BST1: variants seen among roughly 807,000 people sequenced by gnomAD.
BST1 encodes ADP-ribosyl cyclase/cyclic ADP-ribose hydrolase 2.
BST1 carries 49 observed loss-of-function variants against 40.6 expected under a neutral mutation model. The ratio of observed to expected loss-of-function variants is 1.21; its 90% confidence interval spans 0.96 to 1.53. BST1 has a LOEUF of 1.53. Among genes scored for constraint, BST1 ranks in the 40% most tolerant of loss-of-function variants. BST1 has a pLI of 0.00. For missense variants in BST1, 423 were observed against 395.9 expected (o/e 1.07, Z -0.58); for synonymous variants, 157 against 159.3 (o/e 0.99, Z 0.11).
downstream of BST1, among the ~76,000 whole-genome samples, chr4:15,736,727 A>G (rs1036847290): frequency 1.3e-5 from 2 of 152,054 alleles, no homozygotes; most frequent in African/African-American, 4.8e-5. Flanking sequence ...TCAGTTCCGT[A>G]TTCTCAACAT....
intron 8 of BST1, chr4:15,731,397 G>A (rs12649015): frequency 0.082 from 47,697 of 579,172 alleles, 2,437 homozygotes; most frequent in African/African-American, 0.15. Context: ...CACAGGCTTG[G>A]CCTTGTCACG....
chr4:15,756,323 C>T, the BST1 span, among the ~76,000 whole-genome samples: 13 of 152,284 alleles, frequency 8.5e-5, no homozygotes, highest in South Asian at 6.2e-4. Context: ...GATGGTCGTA[C>T]CTGGCTAGTC....
intron 8 of BST1, among the ~76,000 whole-genome samples, chr4:15,725,577 G>C (rs918077447): frequency 2.0e-5 from 3 of 152,042 alleles, no homozygotes; most frequent in African/African-American, 7.2e-5. Context: ...CAGACTTCTA[G>C]TCCCATCTTC....
chr4:15,718,560 G>T (rs1317344597), intron 6 of BST1, among the ~76,000 whole-genome samples: 1 of 151,962 alleles, frequency 6.6e-6, no homozygotes, highest in African/African-American at 2.4e-5. Context: ...GAACAAATTG[G>T]CAGGTAGCAT....
At chr4:15,747,179 A>G in the BST1 span, among the ~76,000 whole-genome samples, 3 of 152,318 alleles carry the variant, frequency 2.0e-5, no homozygotes, top group Admixed American at 2.0e-4. Context: ...AGCTGACATC[A>G]TCAACATTTG....
chr4:15,703,353 GA>G, intron 1 of BST1, 21 bp downstream of exon 1: 1 of 1,484,324 alleles, frequency 6.7e-7, no homozygotes, highest in Non-Finnish European at 8.9e-7. Flanking sequence ...CGGCCGGGTG[GA>G]AGGGGAGCCG....
At chr4:15,756,101 A>T in the BST1 span, among the ~76,000 whole-genome samples, 1 of 152,258 alleles carries the variant, frequency 6.6e-6, no homozygotes, top group Non-Finnish European at 1.5e-5. Flanking sequence ...TTGAAAAAAT[A>T]AAACTGAAAC....
intron 1 of BST1, chr4:15,704,882 T>TC: frequency 2.7e-6 from 2 of 754,060 alleles, no homozygotes; most frequent in Non-Finnish European, 4.9e-6. Flanking sequence ...TTGTGATGTC[T>TC]TTCTTGTGCT....
Position 15,723,711 on chromosome 4 carries a change from G to T in BST1, c.851+777G>T, listed in dbSNP as rs140266102. 1.2e-3 allele frequency: 960 copies of T among 771,436 alleles called. 4 individuals carry two copies. In the African/African-American group the frequency reaches 0.016, roughly 13 times the overall value. The allele number at this position is 771,436 out of a possible 1,614,324, so 47.8% of individuals were successfully genotyped here. A position where few individuals can be genotyped will look rare whatever the true frequency, so the allele number is the denominator to read the frequency against. Reference sequence around the variant, plus strand: ...TGTAGGATAGATTCCCAGAAATTGAGTTGCTGAGTCAAAGAATGTGTGTGT... The same window carrying T: ...TGTAGGATAGATTCCCAGAAATTGATTTGCTGAGTCAAAGAATGTGTGTGT... On this transcript the variant is annotated intron_variant, in intron 8 of 8. Coordinates refer to ENST00000265016, the MANE Select transcript of BST1 (RefSeq NM_004334.3).
chr4:15,734,369 C>G (rs1252541899), downstream of BST1, among the ~76,000 whole-genome samples: 2 of 151,888 alleles, frequency 1.3e-5, no homozygotes, highest in Non-Finnish European at 1.5e-5. Context: ...GAAATGTTTT[C>G]AAAGAACATT....
the BST1 span, among the ~76,000 whole-genome samples, chr4:15,754,034 G>A: frequency 6.6e-6 from 1 of 152,160 alleles, no homozygotes; most frequent in Non-Finnish European, 1.5e-5. Flanking sequence ...CTGGATCCAG[G>A]GCAGAGAGCC....
intron 2 of BST1, among the ~76,000 whole-genome samples, chr4:15,707,138 G>A (rs1462230339): frequency 1.3e-5 from 2 of 152,198 alleles, no homozygotes; most frequent in African/African-American, 4.8e-5. Context: ...TTTTCCAGAA[G>A]TAGAAACTGA....
chr4:15,742,318 CTG>C (rs1390450668), downstream of BST1, among the ~76,000 whole-genome samples: 30 of 152,130 alleles, frequency 2.0e-4, no homozygotes, highest in Non-Finnish European at 2.9e-5. Context: ...TGAGTTCTCA[CTG>C]TCTTAGTTCC....
chr4:15,703,332 G>C lies in BST1; in HGVS notation c.188G>C (p.Arg63Pro). Residue 63 changes from arginine to proline, a missense_variant and splice_region_variant, in exon 1 of 9, where the codon CGG becomes CCG. By Grantham distance (103) the Arg-to-Pro change is moderately radical (BLOSUM62 -2). Coordinates refer to ENST00000265016, the MANE Select transcript of BST1 (RefSeq NM_004334.3). Reference sequence around the variant, plus strand: ...CGCGCACTGCTGAGTCCCGAGCAGCGGTGAGGCAGTCGGCCGGGTGGAAGG... The same window carrying C: ...CGCGCACTGCTGAGTCCCGAGCAGCCGTGAGGCAGTCGGCCGGGTGGAAGG... ...EYRALLSPEQRNKNCTAIWEA... is the reference protein window; with the variant it reads ...EYRALLSPEQPNKNCTAIWEA... 1.3e-6 allele frequency: 2 copies of C among 1,497,132 alleles called. No homozygotes were observed. Among genetic ancestry groups the C allele is most frequent in the Non-Finnish European group, 1.8e-6 (2 of 1,132,516 alleles). 92.7% of individuals were successfully genotyped at this position (1,497,132 alleles called of 1,614,324 possible).
At chr4:15,723,634 T>C (rs1720946012) in intron 8 of BST1, 1 of 980,164 alleles carries the variant, frequency 1.0e-6, no homozygotes, top group South Asian at 4.7e-5. Flanking sequence ...TTATAAACAA[T>C]GCTGAAATAT....
the BST1 span, among the ~76,000 whole-genome samples, chr4:15,768,828 G>C: frequency 1.3e-5 from 2 of 152,120 alleles, no homozygotes; most frequent in South Asian, 4.1e-4. Context: ...ACTGAATACA[G>C]TTTGGCTTGG....
At chr4:15,705,770 T>C in intron 2 of BST1, 129 bp downstream of exon 2, 11 of 1,221,852 alleles carry the variant, frequency 9.0e-6, no homozygotes, top group Non-Finnish European at 1.3e-5. Flanking sequence ...GCAGCACACA[T>C]AATGTGTGTG....
chr4:15,751,256 G>T, the BST1 span, among the ~76,000 whole-genome samples: 1 of 151,542 alleles, frequency 6.6e-6, no homozygotes, highest in Non-Finnish European at 1.5e-5. Flanking sequence ...TAGTCTGTGC[G>T]GTGGTTAGGC....
chr4:15,752,496 C>G, the BST1 span, among the ~76,000 whole-genome samples: 66 of 151,892 alleles, frequency 4.3e-4, no homozygotes, highest in African/African-American at 1.5e-3. Context: ...TCCAGTGATT[C>G]TCCTGCCTCA....
Sources: allele counts gnomAD v4.1 joint callset (sites outside exome capture counted in the v4.1 genomes callset), GRCh38; gene constraint gnomAD v4.1.1; transcripts MANE v1.5; gene names NCBI Gene and HGNC (gene_info 2026-07-23, HGNC 2026-07-21).